Variants in POLR3G observed in about 807,000 individuals in gnomAD.
The protein encoded by POLR3G is RNA polymerase III subunit G.
A neutral mutation model predicts 30.1 loss-of-function variants in POLR3G; 28 were observed. The ratio of observed to expected loss-of-function variants is 0.93; its 90% confidence interval spans 0.69 to 1.27. POLR3G has a LOEUF of 1.27. Ranked by LOEUF, POLR3G falls within the 50% of genes most tolerant of loss-of-function variation. The pLI is 0.00. For missense variants in POLR3G, 254 were observed against 264.6 expected, an observed-to-expected ratio of 0.96 and a Z score of 0.28; for synonymous variants, 79 against 82.5, an observed-to-expected ratio of 0.96 and a Z score of 0.23.
At chr5:90,481,259 G>C (rs1171333708) in intron 1 of POLR3G, among the ~76,000 whole-genome samples, 3 of 151,438 alleles carry the variant, frequency 2.0e-5, no homozygotes, top group Non-Finnish European at 4.4e-5. Context: ...TCAATACCAA[G>C]AGGGAGACTT....
At chr5:90,477,516 T>C (rs1451759785) in intron 1 of POLR3G, among the ~76,000 whole-genome samples, 1 of 152,150 alleles carries the variant, frequency 6.6e-6, no homozygotes, top group Non-Finnish European at 1.5e-5. Flanking sequence ...AGAACAGAGC[T>C]GGTAAACCTC....
upstream of POLR3G, chr5:90,473,937 C>T: frequency 1.2e-6 from 2 of 1,604,918 alleles, no homozygotes; most frequent in Non-Finnish European, 1.7e-6. Context: ...ATCGGAAAGC[C>T]AGGTCACGGT....
chr5:90,512,332 A>C lies in POLR3G; in HGVS notation c.*193A>C. The C allele has an allele frequency of 3.8e-6, 2 of 524,330 alleles. No homozygotes were observed. The highest frequency in any genetic ancestry group is 7.0e-6 in the Non-Finnish European group (2 of 284,690). 32.5% of individuals were successfully genotyped at this position (524,330 alleles called of 1,614,324 possible). On this transcript the variant is annotated 3_prime_UTR_variant, in exon 8 of 8. Transcript: ENST00000651687. ...TTAAAAATTATTCCCTGACACTCTG[A>C]CATTCCTTCTAAACACCTCTGCCAT...
intron 1 of POLR3G, among the ~76,000 whole-genome samples, chr5:90,476,604 C>T (rs1043162341): frequency 2.6e-5 from 4 of 152,176 alleles, no homozygotes; most frequent in Non-Finnish European, 4.4e-5. Flanking sequence ...AGTGATATCT[C>T]TACCAGGCCA....
chr5:90,506,633 G>T lies in POLR3G; in HGVS notation c.544G>T (p.Ala182Ser). 1.9e-6 allele frequency: 3 copies of T among 1,613,436 alleles called. No individual in the cohort carries two copies. The highest frequency in any genetic ancestry group is 2.5e-6 in the Non-Finnish European group (3 of 1,179,684). Residue 182 changes from alanine (A) to serine (S), a missense_variant, in exon 7 of 8, where the codon GCC becomes TCC. Transcript: ENST00000651687. ...KEGDDDDDDDAAEQEEYDEEE... is the reference protein window; with the variant it reads ...KEGDDDDDDDSAEQEEYDEEE... ...AGGTGATGATGACGATGACGATGATGCCGCAGAACAGGAGGAATATGATGA... is the reference window on the plus strand; with the variant it reads ...AGGTGATGATGACGATGACGATGATTCCGCAGAACAGGAGGAATATGATGA...
At chr5:90,498,151 A>T (rs1219946218) in intron 5 of POLR3G, among the ~76,000 whole-genome samples, 1 of 151,844 alleles carries the variant, frequency 6.6e-6, no homozygotes, top group Non-Finnish European at 1.5e-5. Context: ...CTGTCCCCCC[A>T]TGTATGTGTG....
chr5:90,481,156 A>T (rs1751104711), intron 1 of POLR3G, among the ~76,000 whole-genome samples: 1 of 151,998 alleles, frequency 6.6e-6, no homozygotes, highest in Non-Finnish European at 1.5e-5. Flanking sequence ...CTAGATTGTG[A>T]TCATCAGTGA....
chr5:90,473,990 G>C, upstream of POLR3G: 1 of 1,599,034 alleles, frequency 6.3e-7, no homozygotes, highest in Non-Finnish European at 8.5e-7. Flanking sequence ...CCTCGGCGTG[G>C]TGCACTGCCA....
chr5:90,484,775 G>A (rs577612021), intron 1 of POLR3G, among the ~76,000 whole-genome samples: 2 of 152,226 alleles, frequency 1.3e-5, no homozygotes, highest in South Asian at 4.1e-4. Flanking sequence ...TTATCAGCAG[G>A]GAAAGAAATG....
chr5:90,504,593 G>A (rs968548447), intron 6 of POLR3G, among the ~76,000 whole-genome samples: 13 of 151,714 alleles, frequency 8.6e-5, no homozygotes, highest in African/African-American at 3.1e-4. Flanking sequence ...TACATAACTG[G>A]TTTAAATAAC....
At chr5:90,479,326 A>T (rs1751005146) in intron 1 of POLR3G, among the ~76,000 whole-genome samples, 1 of 152,140 alleles carries the variant, frequency 6.6e-6, no homozygotes, top group Non-Finnish European at 1.5e-5. Context: ...TACAAAAATT[A>T]GCCGGGCTTG....
chr5:90,488,318 A>T (rs774775484), intron 3 of POLR3G, among the ~76,000 whole-genome samples, 189 bp downstream of exon 3: 28 of 152,208 alleles, frequency 1.8e-4, no homozygotes, highest in Non-Finnish European at 4.1e-4. Context: ...TTATTTTTAG[A>T]AATATCTTTC....
intron 2 of POLR3G, among the ~76,000 whole-genome samples, chr5:90,487,732 A>G (rs1751518596): frequency 6.6e-6 from 1 of 152,096 alleles, no homozygotes; most frequent in Non-Finnish European, 1.5e-5. Context: ...ATAGGTCAAC[A>G]GACTGTTTGG....
Position 90,512,853 on chromosome 5 carries a change from T to A in POLR3G, c.*714T>A, listed in dbSNP as rs1049907036. 2.6e-5 allele frequency: 4 copies of A among 152,202 alleles called. No homozygotes were observed. Among genetic ancestry groups the A allele is most frequent in the African/African-American group, 9.6e-5 (4 of 41,464 alleles). The allele number at this position is 152,202 out of a possible 1,614,324, so 9.4% of individuals were successfully genotyped here. On this transcript the variant is annotated 3_prime_UTR_variant, in exon 8 of 8. Transcript: ENST00000651687. ...TCATCCCACTGTAATAACTGACATC[T>A]TCAAATAGTTGGGCTTATGAAAAAT...
intron 7 of POLR3G, among the ~76,000 whole-genome samples, chr5:90,508,751 C>T (rs941178862): frequency 3.3e-5 from 5 of 152,164 alleles, no homozygotes; most frequent in African/African-American, 1.2e-4. Flanking sequence ...TTTAACACTT[C>T]TGACAGCTCT....
At chr5:90,493,646 A>G (rs1329882996) in intron 3 of POLR3G, among the ~76,000 whole-genome samples, 1 of 141,346 alleles carries the variant, frequency 7.1e-6, no homozygotes, top group Non-Finnish European at 1.5e-5. Context: ...TAATATAGCC[A>G]CAGAGTTGTG....
upstream of POLR3G, chr5:90,473,939 G>A: frequency 6.2e-7 from 1 of 1,604,700 alleles, no homozygotes; most frequent in South Asian, 1.1e-5. Flanking sequence ...CGGAAAGCCA[G>A]GTCACGGTCT....
intron 2 of POLR3G, among the ~76,000 whole-genome samples, chr5:90,487,226 A>T (rs1479243261): frequency 6.6e-6 from 1 of 152,022 alleles, no homozygotes; most frequent in African/African-American, 2.4e-5. Flanking sequence ...AGTATATTGT[A>T]GTCATAGCAA....
chr5:90,510,237 G>T (rs1377905532), intron 7 of POLR3G, among the ~76,000 whole-genome samples: 5 of 152,224 alleles, frequency 3.3e-5, no homozygotes, highest in Middle Eastern at 3.4e-3. Context: ...AATTAGCCGG[G>T]CGTGGTGGCA....
Sources: allele counts gnomAD v4.1 joint callset (sites outside exome capture counted in the v4.1 genomes callset), GRCh38; gene constraint gnomAD v4.1.1; transcripts MANE v1.5; gene names NCBI Gene and HGNC (gene_info 2026-07-23, HGNC 2026-07-21).